The following STXBP6 variants were observed in gnomAD, a reference collection of about 807,000 sequenced individuals.
STXBP6 encodes the protein syntaxin binding protein 6.
STXBP6 carries 21 observed loss-of-function variants against 26.9 expected under a neutral mutation model. That is an observed-to-expected ratio of 0.78 (90% confidence interval 0.55 to 1.12). The LOEUF (loss-of-function observed/expected upper bound fraction) is 1.12, where lower values mean the gene tolerates loss of function less well. Among genes scored for constraint, STXBP6 ranks in the 50% most tolerant of loss-of-function variants. STXBP6 has a pLI of 0.00. For synonymous variants in STXBP6, 97 were observed against 92.6 expected (o/e 1.05, Z -0.27); for missense variants, 232 against 257.9 (o/e 0.90, Z 0.69).
chr14:24,946,859 G>T (rs2140027739), intron 2 of STXBP6, among the ~76,000 whole-genome samples: 1 of 152,208 alleles, frequency 6.6e-6, no homozygotes, highest in Non-Finnish European at 1.5e-5. Flanking sequence ...AAATTAAGAG[G>T]GTATGGGATA....
At chr14:24,868,730 T>C (rs746836354) in intron 2 of STXBP6, among the ~76,000 whole-genome samples, 4 of 152,198 alleles carry the variant, frequency 2.6e-5, no homozygotes, top group Non-Finnish European at 5.9e-5. Flanking sequence ...GAAACCCTTT[T>C]GGAACTTCTA....
chr14:24,954,596 C>T (rs1020293944), intron 2 of STXBP6, among the ~76,000 whole-genome samples: 3 of 152,128 alleles, frequency 2.0e-5, no homozygotes, highest in Non-Finnish European at 4.4e-5. Context: ...GCCTTTAGTG[C>T]GACCACAGAT....
intron 1 of STXBP6, among the ~76,000 whole-genome samples, chr14:24,982,285 C>T (rs1411848849): frequency 6.6e-6 from 1 of 152,184 alleles, no homozygotes; most frequent in Non-Finnish European, 1.5e-5. Context: ...AATTAGCAAA[C>T]TCCCACCCTC....
chr14:25,001,412 C>T (rs1297909647), intron 1 of STXBP6, among the ~76,000 whole-genome samples: 1 of 152,120 alleles, frequency 6.6e-6, no homozygotes, highest in African/African-American at 2.4e-5. Context: ...TTCAACCATA[C>T]CAGAGTTTAT....
intron 2 of STXBP6, among the ~76,000 whole-genome samples, chr14:24,894,007 G>GA (rs1040396498): frequency 3.3e-5 from 5 of 151,948 alleles, no homozygotes; most frequent in African/African-American, 9.7e-5. Flanking sequence ...TCAGGGAAAA[G>GA]AAAAAAACAT....
intron 5 of STXBP6, chr14:24,817,829 G>A (rs1035595936): frequency 1.8e-4 from 58 of 328,934 alleles, no homozygotes; most frequent in African/African-American, 1.2e-3. Context: ...GAAGGAACTC[G>A]AAATGGGCCC....
At chr14:25,034,783 CAT>C (rs897831015) in intron 1 of STXBP6, among the ~76,000 whole-genome samples, 21 of 152,324 alleles carry the variant, frequency 1.4e-4, no homozygotes, top group Admixed American at 1.4e-3. Context: ...ATCAATATCA[CAT>C]AGAGGAAGCC....
intron 1 of STXBP6, among the ~76,000 whole-genome samples, chr14:24,981,431 C>A (rs113352098): frequency 0.043 from 6,470 of 152,052 alleles, 157 homozygotes; most frequent in Middle Eastern, 0.085. Flanking sequence ...TCACCATGCC[C>A]GGCTAATTTT....
At chr14:24,908,746 C>T (rs1046635909) in intron 2 of STXBP6, among the ~76,000 whole-genome samples, 2 of 152,174 alleles carry the variant, frequency 1.3e-5, no homozygotes, top group South Asian at 4.1e-4. Flanking sequence ...TCCAGGAACA[C>T]CAGACTAGCA....
intron 4 of STXBP6, among the ~76,000 whole-genome samples, chr14:24,841,264 A>G (rs1020601394): frequency 9.2e-5 from 14 of 152,208 alleles, no homozygotes; most frequent in Non-Finnish European, 1.8e-4. Context: ...TGGAACTTTG[A>G]AGATATTAAT....
At chr14:24,857,256 C>T in intron 2 of STXBP6, 99 bp from the exon 3 acceptor site, 7 of 1,484,524 alleles carry the variant, frequency 4.7e-6, no homozygotes, top group Non-Finnish European at 6.5e-6. Context: ...TGTATATGCA[C>T]AATAACAGAG....
chr14:25,027,801 A>T (rs534603043), intron 1 of STXBP6, among the ~76,000 whole-genome samples: 2 of 152,352 alleles, frequency 1.3e-5, no homozygotes, highest in East Asian at 1.9e-4. Flanking sequence ...GGAAATTAAA[A>T]ATACTGCTCT....
chr14:24,841,162 C>CA (rs2068773202), intron 4 of STXBP6, among the ~76,000 whole-genome samples: 1 of 152,140 alleles, frequency 6.6e-6, no homozygotes, highest in African/African-American at 2.4e-5. Context: ...GGTGAATAAT[C>CA]AGTCTTTGCT....
chr14:24,911,374 GAA>G (rs1491201690), intron 2 of STXBP6, among the ~76,000 whole-genome samples: 2 of 147,108 alleles, frequency 1.4e-5, no homozygotes, highest in Admixed American at 6.9e-5. Flanking sequence ...GGGAAAGAAA[GAA>G]GAGAGAGAGA....
intron 2 of STXBP6, among the ~76,000 whole-genome samples, chr14:24,875,578 G>C (rs2070107737): frequency 6.6e-6 from 1 of 152,166 alleles, no homozygotes; most frequent in Non-Finnish European, 1.5e-5. Flanking sequence ...AATCTATTCT[G>C]TTGAAAGTGG....
chr14:24,996,194 A>T (rs2140307413), intron 1 of STXBP6, among the ~76,000 whole-genome samples: 1 of 152,338 alleles, frequency 6.6e-6, no homozygotes, highest in Admixed American at 6.5e-5. Flanking sequence ...TATACCTTCC[A>T]TACATTAAAT....
At chr14:24,827,359 T>C (rs1481705181) in intron 4 of STXBP6, among the ~76,000 whole-genome samples, 1 of 152,224 alleles carries the variant, frequency 6.6e-6, no homozygotes, top group African/African-American at 2.4e-5. Context: ...TCAGCTCACT[T>C]ATTACAGAAC....
intron 2 of STXBP6, among the ~76,000 whole-genome samples, chr14:24,884,048 A>G (rs185893576): frequency 1.5e-3 from 233 of 152,174 alleles, no homozygotes; most frequent in Admixed American, 2.9e-3. Context: ...TTCATAATCA[A>G]TTTTTAGCAT....
In STXBP6 at chr14:24,993,257, G is replaced by A. The variant is rs138514337; in HGVS notation, c.-32-18407C>T. On this transcript the variant is annotated intron_variant, in intron 1 of 5. Transcript: ENST00000323944. ...CAAAACTGAATGAATCATCTTCCTCGAAACGGTTTCCAGTCCTATGTTCCT... is the reference window on the plus strand; with the variant it reads ...CAAAACTGAATGAATCATCTTCCTCAAAACGGTTTCCAGTCCTATGTTCCT... 2.8e-4 allele frequency among the ~76,000 whole-genome samples: 43 copies of A among 152,182 alleles called. No homozygotes were observed. The East Asian group carries it at 6.4e-3, about 23-fold the overall frequency.
Sources: gnomAD v4.1 joint callset for allele counts (sites outside exome capture counted in the v4.1 genomes callset) on GRCh38, gnomAD v4.1.1 for gene constraint, MANE v1.5 for transcripts, NCBI Gene and HGNC (gene_info 2026-07-23, HGNC 2026-07-21) for gene names.